VPS51: variants seen among roughly 807,000 people sequenced by gnomAD.
VPS51 encodes VPS51 subunit of GARP complex, also known as vacuolar protein sorting-associated protein 51 homolog.
In VPS51, 55 loss-of-function variants were observed where a neutral mutation model predicts 65.1. That is an observed-to-expected ratio of 0.84 (90% CI 0.68 to 1.06). VPS51 has a LOEUF of 1.06. VPS51 is among the 50% of genes least tolerant of loss of function. The pLI is 0.00. For missense variants in VPS51, 943 were observed against 1,101.6 expected (o/e 0.86, Z 2.04); for synonymous variants, 473 against 489.5 (o/e 0.97, Z 0.44).
At chr11:65,102,108 C>T (rs1041461123) in intron 2 of VPS51, among the ~76,000 whole-genome samples, 9 of 151,254 alleles carry the variant, frequency 6.0e-5, no homozygotes, top group Middle Eastern at 3.2e-3. Context: ...ACCTCCGCCT[C>T]CGGGGTTCAA....
At chr11:65,109,045 G>C (rs536145001) in intron 5 of VPS51, 131 bp downstream of exon 5, 1 of 1,225,762 alleles carries the variant, frequency 8.2e-7, no homozygotes. Flanking sequence ...CACGGTCTGG[G>C]GGGTGGGGAA....
At chr11:65,096,818 C>A (rs1195879391) in intron 1 of VPS51, 180 bp from the exon 2 acceptor site, 3 of 891,974 alleles carry the variant, frequency 3.4e-6, no homozygotes, top group Admixed American at 2.8e-5. Flanking sequence ...CACGGTTGAA[C>A]CTAGTAACCC....
At chr11:65,096,874 C>T (rs1947774136) in intron 1 of VPS51, 124 bp from the exon 2 acceptor site, 1 of 1,410,658 alleles carries the variant, frequency 7.1e-7, no homozygotes, top group Non-Finnish European at 9.5e-7. Flanking sequence ...TCCTGACAGC[C>T]GGCGGGGGTT....
At position 65,109,941 on chromosome 11, in the gene VPS51, C is replaced by G. The variant is rs768672817; in HGVS notation, c.1878+18C>G. 1.3e-6 allele frequency: 2 copies of G among 1,573,472 alleles called. No individual in the cohort carries two copies. The highest frequency in any genetic ancestry group is 1.7e-6 in the Non-Finnish European group (2 of 1,163,778). On this transcript the variant is annotated intron_variant, in intron 7 of 9. Coordinates refer to ENST00000279281, the MANE Select transcript of VPS51 (RefSeq NM_013265.4). ...ACGTGCAGGTGCTGCCCAGGCTGGC[C>G]GGGGTAGCCCTGACGCAGGCTGGGG...
At chr11:65,109,971 T>G (rs1411050647) in intron 7 of VPS51, 48 bp downstream of exon 7, 2 of 1,527,548 alleles carry the variant, frequency 1.3e-6, no homozygotes, top group Non-Finnish European at 1.8e-6. Flanking sequence ...CTGGGGGTAC[T>G]GTCCCTTCAA....
In VPS51 at chr11:65,109,381, G is replaced by A. The variant is rs369231552; in HGVS notation, c.1545G>A (p.Lys515=). 325 of 1,612,368 alleles carry A rather than the reference G, an allele frequency of 2.0e-4. No homozygotes were observed. Among genetic ancestry groups the A allele is most frequent in the Non-Finnish European group, 2.7e-4 (319 of 1,180,008 alleles). Residue 515 remains lysine, a synonymous_variant, in exon 6 of 10, where the codon AAG becomes AAA. Transcript: ENST00000279281. Reference sequence around the variant, plus strand: ...GCTTCTGCGACAGCCCTGGGGAGAAGGGGGGTGCCACACCACCTGCCCTGC... The same window carrying A: ...GCTTCTGCGACAGCCCTGGGGAGAAAGGGGGTGCCACACCACCTGCCCTGC... The part of the protein sequence containing the change: ...AQSFCDSPGE[K]GGATPPALLL...
At chr11:65,105,343 C>T (rs1382781635) in intron 2 of VPS51, 9 of 151,364 alleles carry the variant, frequency 5.9e-5, no homozygotes, top group South Asian at 2.1e-4. Context: ...GAGCTGAGAT[C>T]GCGCCACTGC....
intron 5 of VPS51, 33 bp downstream of exon 5, chr11:65,108,947 C>T (rs1947866837): frequency 1.2e-6 from 2 of 1,606,904 alleles, no homozygotes; most frequent in East Asian, 2.2e-5. Context: ...CTTGTTCAAC[C>T]TGCTGGTTGA....
At chr11:65,110,250 G>A in intron 7 of VPS51, 1 of 705,760 alleles carries the variant, frequency 1.4e-6, no homozygotes, top group East Asian at 2.7e-5. Flanking sequence ...TCAGGGCAGG[G>A]TTGGTGCTGG....
At position 65,111,800 on chromosome 11, in the gene VPS51, T is replaced by G; in HGVS notation, c.*213T>G. 2.1e-6 allele frequency: 2 copies of G among 970,704 alleles called. No individual in the cohort carries two copies. Among genetic ancestry groups the G allele is most frequent in the Non-Finnish European group, 3.0e-6 (2 of 674,828 alleles). The allele number at this position is 970,704 out of a possible 1,614,324, so 60.1% of individuals were successfully genotyped here. The stretch of plus-strand genomic sequence containing the variant: ...GTCGGGTCCGCCCCCGAGCGCCGAT[T>G]GGCTGGTGTGCTGGGCCCAGCATGG... On this transcript the variant is annotated 3_prime_UTR_variant, in exon 10 of 10. Transcript: ENST00000279281.
At position 65,108,213 on chromosome 11, in the gene VPS51, G is replaced by T. The variant is rs769644606; in HGVS notation, c.742G>T (p.Ala248Ser). The change falls in exon 5 of 10, where the codon GCC becomes TCC. Residue 248 changes from alanine to serine, a missense_variant. Coordinates refer to ENST00000279281, the MANE Select transcript of VPS51 (RefSeq NM_013265.4). ...CTCGTGCAGGGAGGGCGGCTCAGGC[G>T]CCCCGGAGCAGGCAGAGTGCGTGGA... ...RQRFREGGSG[A>S]PEQAECVELL... 3.1e-6 allele frequency: 5 copies of T among 1,599,494 alleles called. No homozygotes were observed. The African/African-American group carries it at 4.0e-5, about 13-fold the overall frequency.
chr11:65,108,357 C>A lies in VPS51; in HGVS notation c.886C>A (p.Pro296Thr). ...NLEAELGPSPPAPDVLEFTDH... is the reference protein window; with the variant it reads ...NLEAELGPSPTAPDVLEFTDH... ...GGAGGCCGAGCTGGGGCCCTCACCT[C>A]CGGCTCCCGACGTGTTAGAGTTCAC... The change falls in exon 5 of 10, where the codon CCG (proline) becomes ACG (threonine). Residue 296 changes from proline to threonine, a missense_variant. Pro to Thr is a conservative substitution (Grantham distance 38, BLOSUM62 -1). Transcript: ENST00000279281. 6.2e-7 allele frequency: 1 copy of A among 1,612,040 alleles called. No individual in the cohort carries two copies.
At chr11:65,096,870 C>A in intron 1 of VPS51, 128 bp from the exon 2 acceptor site, 2 of 1,414,498 alleles carry the variant, frequency 1.4e-6, no homozygotes, top group Non-Finnish European at 9.5e-7. Context: ...GGATTCCTGA[C>A]AGCCGGCGGG....
chr11:65,098,873 C>T (rs973887199), intron 2 of VPS51, among the ~76,000 whole-genome samples: 2 of 152,082 alleles, frequency 1.3e-5, no homozygotes, highest in African/African-American at 4.8e-5. Context: ...TGAGGATAAC[C>T]AGGAGCATTG....
At position 65,107,061 on chromosome 11, in the gene VPS51, A is replaced by G. The variant is rs1254757782; in HGVS notation, c.359-520A>G. ...AGGAAAAACAGCCTCCCTAGGCAGGATTCTATCAGGACCAAAGGGAAAGGG... is the reference window on the plus strand; with the variant it reads ...AGGAAAAACAGCCTCCCTAGGCAGGGTTCTATCAGGACCAAAGGGAAAGGG... On this transcript the variant is annotated intron_variant, in intron 2 of 9. Transcript: ENST00000279281. The surrounding 1 kb of genome is among the most constrained non-coding windows in gnomAD (Gnocchi z 4.0). 1 of 421,996 alleles carries G rather than the reference A, an allele frequency of 2.4e-6. No individual in the cohort carries two copies. The highest frequency in any genetic ancestry group is 4.8e-6 in the Non-Finnish European group (1 of 208,956). The allele number at this position is 421,996 out of a possible 1,614,324, so 26.1% of individuals were successfully genotyped here.
At chr11:65,105,217 A>C (rs1329297955) in intron 2 of VPS51, among the ~76,000 whole-genome samples, 1 of 151,460 alleles carries the variant, frequency 6.6e-6, no homozygotes, top group Admixed American at 6.6e-5. Flanking sequence ...ACATGGTGAA[A>C]CCCTCTCTAC....
chr11:65,108,893 C>T lies in VPS51; in HGVS notation c.1422C>T (p.Phe474=), dbSNP rs1347207100. ...VHLFTAKEVS[F]SNKPYFRGEF... ...TTTTCACCGCCAAAGAGGTGTCCTT[C>T]TCCAACAAGCCCTACTTCCGGGTAC... The change falls in exon 5 of 10, where the codon TTC becomes TTT. Residue 474 remains phenylalanine, a synonymous_variant. Transcript: ENST00000279281. 2 of 1,612,914 alleles carry T rather than the reference C, an allele frequency of 1.2e-6. No homozygotes were observed. Among genetic ancestry groups the T allele is most frequent in the African/African-American group, 2.7e-5 (2 of 74,936 alleles).
rs534118283 is a variant in VPS51 at position 65,108,164 on chromosome 11, G to T, written c.726-33G>T. 1.1e-4 allele frequency: 173 copies of T among 1,587,558 alleles called. 1 individual carries two copies. The African/African-American group carries it at 2.2e-3, about 21-fold the overall frequency. On this transcript the variant is annotated intron_variant, in intron 4 of 9. Transcript: ENST00000279281. The stretch of plus-strand genomic sequence containing the variant: ...TCCTGCCCCATCCACCGGCAGCCCC[G>T]GCCCTGCCCTTCACTACCTCTCCCT...
chr11:65,108,086 C>A, intron 4 of VPS51, 64 bp downstream of exon 4: 1 of 1,497,248 alleles, frequency 6.7e-7, no homozygotes, highest in East Asian at 2.4e-5. Context: ...GTGCCCGGCT[C>A]CTGGGCCCTC....
Sources: gnomAD v4.1 joint callset for allele counts (sites outside exome capture counted in the v4.1 genomes callset) on GRCh38, gnomAD v4.1.1 for gene constraint, Gnocchi (gnomAD v3.1) non-coding constraint, MANE v1.5 for transcripts, NCBI Gene and HGNC (gene_info 2026-07-23, HGNC 2026-07-21) for gene names.